Variants in PLAA observed in about 807,000 individuals in gnomAD.
PLAA encodes the protein phospholipase A-2-activating protein.
PLAA carries 48 observed loss-of-function variants against 84.1 expected under a neutral mutation model. The ratio of observed to expected loss-of-function variants is 0.57; its 90% CI spans 0.45 to 0.73. PLAA has a LOEUF of 0.73. PLAA is among the 30% of genes least tolerant of loss of function. PLAA has a pLI of 0.00. For missense variants in PLAA, 903 were observed against 954.7 expected, an observed-to-expected ratio of 0.95 and a Z score of 0.71; for synonymous variants, 392 against 336.6, an observed-to-expected ratio of 1.16 and a Z score of -1.80.
At chr9:26,927,138 T>TTTTTTTTTTTTTTA (rs1587172670) in intron 4 of PLAA, among the ~76,000 whole-genome samples, 1 of 151,164 alleles carries the variant, frequency 6.6e-6, no homozygotes, top group African/African-American at 2.4e-5. Flanking sequence ...TTTTTTTTTT[T>TTTTTTTTTTTTTTA]GAGATGGAGT....
At chr9:26,929,560 T>G (rs897866328) in intron 2 of PLAA, among the ~76,000 whole-genome samples, 1 of 152,128 alleles carries the variant, frequency 6.6e-6, no homozygotes, top group Non-Finnish European at 1.5e-5. Flanking sequence ...GAACCTTGGA[T>G]TGGGAAACCT....
intron 6 of PLAA, among the ~76,000 whole-genome samples, chr9:26,925,314 G>A (rs1353740339): frequency 6.6e-6 from 1 of 152,172 alleles, no homozygotes; most frequent in African/African-American, 2.4e-5. Flanking sequence ...AAAATGCCTG[G>A]CATGAAAGCA....
chr9:26,913,013 AG>A (rs1432036491), intron 11 of PLAA, among the ~76,000 whole-genome samples: 2 of 152,200 alleles, frequency 1.3e-5, no homozygotes. Context: ...ATGTGAGCCC[AG>A]GAGTTTGAGC....
At chr9:26,916,689 G>C in intron 10 of PLAA, 1 of 996,002 alleles carries the variant, frequency 1.0e-6, no homozygotes, top group Non-Finnish European at 1.2e-6. Flanking sequence ...GTCTTGGTTG[G>C]TGGGTTCCCC....
intron 1 of PLAA, among the ~76,000 whole-genome samples, chr9:26,938,127 A>C (rs1345136016): frequency 6.6e-6 from 1 of 152,236 alleles, no homozygotes; most frequent in Non-Finnish European, 1.5e-5. Context: ...AGGGAGATAC[A>C]AAGAATCTTG....
intron 6 of PLAA, among the ~76,000 whole-genome samples, chr9:26,924,418 G>A (rs1802405070): frequency 6.6e-6 from 1 of 152,148 alleles, no homozygotes; most frequent in Non-Finnish European, 1.5e-5. Flanking sequence ...ACAAGTGTGA[G>A]CCACAGCAGC....
intron 2 of PLAA, among the ~76,000 whole-genome samples, chr9:26,929,789 T>C (rs10967605): frequency 0.085 from 12,957 of 152,254 alleles, 897 homozygotes; most frequent in African/African-American, 0.19. Flanking sequence ...GCATCACCTC[T>C]CTGATGTTTA....
intron 1 of PLAA, among the ~76,000 whole-genome samples, chr9:26,946,042 C>A (rs1825694483): frequency 6.6e-6 from 1 of 152,110 alleles, no homozygotes; most frequent in South Asian, 2.1e-4. Flanking sequence ...CTCCAGTATC[C>A]CAAACAAAGA....
intron 1 of PLAA, among the ~76,000 whole-genome samples, chr9:26,935,687 G>A (rs1364680181): frequency 6.6e-6 from 1 of 152,066 alleles, no homozygotes; most frequent in East Asian, 1.9e-4. Flanking sequence ...TACATAGCTA[G>A]AACAGGGGTG....
intron 1 of PLAA, among the ~76,000 whole-genome samples, chr9:26,946,202 T>C (rs1825703157): frequency 6.6e-6 from 1 of 152,198 alleles, no homozygotes; most frequent in African/African-American, 2.4e-5. Context: ...TTAAATATCC[T>C]GTTACAACCA....
Position 26,926,439 on chromosome 9 carries a change from T to C in PLAA, c.687A>G (p.Gly229=). Reference sequence around the variant, plus strand: ...ATATGCTATAAATATAATTTGTATGTCCATAATATACTTCAAGACACTCGC... The same window carrying C: ...ATATGCTATAAATATAATTTGTATGCCCATAATATACTTCAAGACACTCGC... ...ITGECLEVYY[G]HTNYIYSISV... The change falls in exon 5 of 14, where the codon GGA becomes GGG. Residue 229 remains glycine (G), a synonymous_variant. Coordinates refer to ENST00000397292, the MANE Select transcript of PLAA (RefSeq NM_001031689.3). The C allele has an allele frequency of 1.2e-6, 2 of 1,609,944 alleles. No homozygotes were observed. Among genetic ancestry groups the C allele is most frequent in the Non-Finnish European group, 8.5e-7 (1 of 1,176,412 alleles).
intron 1 of PLAA, among the ~76,000 whole-genome samples, chr9:26,945,051 C>T (rs1051816531): frequency 2.6e-5 from 4 of 152,150 alleles, no homozygotes; most frequent in Non-Finnish European, 5.9e-5. Context: ...CGCTTGAACC[C>T]CGGAGGCGGA....
At chr9:26,937,203 G>T (rs943414884) in intron 1 of PLAA, among the ~76,000 whole-genome samples, 11 of 152,048 alleles carry the variant, frequency 7.2e-5, no homozygotes, top group Admixed American at 1.3e-4. Context: ...CCTCTTCTGG[G>T]AGCAAGATAA....
chr9:26,938,075 A>C (rs1473475474), intron 1 of PLAA, among the ~76,000 whole-genome samples: 1 of 152,222 alleles, frequency 6.6e-6, no homozygotes, highest in Admixed American at 6.5e-5. Context: ...AGATAAATTC[A>C]AAGAGACCCA....
intron 2 of PLAA, among the ~76,000 whole-genome samples, chr9:26,931,157 G>GAA (rs200805235): frequency 5.6e-4 from 71 of 126,946 alleles, no homozygotes; most frequent in East Asian, 8.5e-4. Flanking sequence ...TTTGAGAACT[G>GAA]AAAAAAAAAA....
In PLAA at chr9:26,905,360, T is replaced by C; in HGVS notation, c.*151A>G. On this transcript the variant is annotated 3_prime_UTR_variant, in exon 14 of 14. Transcript: ENST00000397292. ...TCACAGTTCAGCAGTGCAAAAATTT[T>C]ATTTCTGTTTCCCCTCCCCACCACT... 1 of 638,730 alleles carries C rather than the reference T, an allele frequency of 1.6e-6. No homozygotes were observed. Among genetic ancestry groups the C allele is most frequent in the South Asian group, 2.1e-5 (1 of 47,494 alleles). 39.6% of individuals were successfully genotyped at this position (638,730 alleles called of 1,614,324 possible).
Position 26,905,679 on chromosome 9 carries a change from T to C in PLAA, c.2220A>G (p.Glu740=). The change falls in exon 14 of 14, where the codon GAA becomes GAG. Residue 740 remains glutamate, a synonymous_variant. Coordinates refer to ENST00000397292, the MANE Select transcript of PLAA (RefSeq NM_001031689.3). ...GAGCCACAAGAAGTCTAAAAGTGGC[T>C]TCTAGGTCTTGTACTACTTCCAAGA... ...STILEVVQDL[E]ATFRLLVALG... The C allele has an allele frequency of 6.2e-7, 1 of 1,614,232 alleles. No individual in the cohort carries two copies. Among genetic ancestry groups the C allele is most frequent in the Non-Finnish European group, 8.5e-7 (1 of 1,180,044 alleles).
In PLAA at chr9:26,928,295, A is replaced by T. The variant is rs1306112567; in HGVS notation, c.444+13T>A. On this transcript the variant is annotated intron_variant, in intron 3 of 13. Coordinates refer to ENST00000397292, the MANE Select transcript of PLAA (RefSeq NM_001031689.3). ...TAATTATTCTTTAGAATATTTACACAGAACTACTGTACCTGCAAGGTCATC... is the reference window on the plus strand; with the variant it reads ...TAATTATTCTTTAGAATATTTACACTGAACTACTGTACCTGCAAGGTCATC... The T allele has an allele frequency of 1.2e-6, 2 of 1,613,576 alleles. No individual in the cohort carries two copies. Among genetic ancestry groups the T allele is most frequent in the South Asian group, 1.1e-5 (1 of 91,066 alleles).
At chr9:26,906,429 T>C (rs1006037150) in intron 13 of PLAA, among the ~76,000 whole-genome samples, 4 of 147,252 alleles carry the variant, frequency 2.7e-5, no homozygotes, top group Non-Finnish European at 6.0e-5. Flanking sequence ...AGTTCTTTTT[T>C]TTTTTTTTTT....
Sources: allele counts gnomAD v4.1 joint callset (sites outside exome capture counted in the v4.1 genomes callset), GRCh38; gene constraint gnomAD v4.1.1; transcripts MANE v1.5; gene names NCBI Gene and HGNC (gene_info 2026-07-23, HGNC 2026-07-21).